The following ATP8A2 variants were observed in gnomAD, a reference collection of about 807,000 sequenced individuals.
ATP8A2 encodes phospholipid-transporting ATPase IB.
ATP8A2 carries 100 observed loss-of-function variants against 165.6 expected under a neutral mutation model. The ratio of observed to expected loss-of-function variants is 0.60; its 90% CI spans 0.51 to 0.71. The LOEUF is 0.71. ATP8A2 is among the 30% of genes least tolerant of loss of function. ATP8A2 has a pLI of 0.00. For missense variants in ATP8A2, 1,227 were observed against 1,479.5 expected (o/e 0.83, Z 2.80); for synonymous variants, 543 against 548.8 (o/e 0.99, Z 0.15).
At chr13:25,773,984 A>G (rs930108156) in intron 26 of ATP8A2, among the ~76,000 whole-genome samples, 1 of 152,156 alleles carries the variant, frequency 6.6e-6, no homozygotes, top group African/African-American at 2.4e-5. Flanking sequence ...TTTAAACAAG[A>G]CTGTATTGTG....
intron 2 of ATP8A2, among the ~76,000 whole-genome samples, chr13:25,500,060 G>A (rs146557273): frequency 5.9e-4 from 90 of 152,254 alleles, no homozygotes; most frequent in African/African-American, 2.1e-3. Context: ...GTGTGTCATG[G>A]GGGAAGAGTA....
intron 33 of ATP8A2, among the ~76,000 whole-genome samples, chr13:25,876,000 T>C (rs1019538370): frequency 1.3e-5 from 2 of 152,188 alleles, no homozygotes; most frequent in East Asian, 3.8e-4. Context: ...TTGGGCAGCA[T>C]TGTCATTATG....
intron 24 of ATP8A2, among the ~76,000 whole-genome samples, chr13:25,600,837 A>G (rs2040364763): frequency 6.6e-6 from 1 of 152,224 alleles, no homozygotes; most frequent in Admixed American, 6.5e-5. Flanking sequence ...AACATGGAAG[A>G]AGACAGAAAT....
At chr13:25,892,343 A>G (rs1047547379) in intron 33 of ATP8A2, among the ~76,000 whole-genome samples, 1 of 152,154 alleles carries the variant, frequency 6.6e-6, no homozygotes. Context: ...CTATCTTGGC[A>G]CAGGGTGGCA....
At chr13:25,643,756 T>C (rs1424025298) in intron 24 of ATP8A2, among the ~76,000 whole-genome samples, 1 of 151,422 alleles carries the variant, frequency 6.6e-6, no homozygotes, top group Non-Finnish European at 1.5e-5. Flanking sequence ...TTTTTTTCAG[T>C]TCCAGATGAA....
At chr13:25,707,754 A>G (rs9581433) in intron 25 of ATP8A2, among the ~76,000 whole-genome samples, 4 of 152,202 alleles carry the variant, frequency 2.6e-5, no homozygotes, top group African/African-American at 9.6e-5. Flanking sequence ...TTTTGCTTAT[A>G]TAGTAGACCT....
intron 25 of ATP8A2, among the ~76,000 whole-genome samples, chr13:25,724,988 C>T (rs1315280932): frequency 6.6e-6 from 1 of 152,154 alleles, no homozygotes; most frequent in Non-Finnish European, 1.5e-5. Context: ...CTGCTAGGAC[C>T]TGTAGAGTAA....
intron 27 of ATP8A2, among the ~76,000 whole-genome samples, chr13:25,787,202 T>C (rs1303159203): frequency 6.6e-6 from 1 of 152,230 alleles, no homozygotes; most frequent in Non-Finnish European, 1.5e-5. Context: ...CCCAGTCTCC[T>C]CTGTAGTTAA....
intron 35 of ATP8A2, among the ~76,000 whole-genome samples, chr13:25,972,603 C>G (rs1955939981): frequency 6.6e-6 from 1 of 152,260 alleles, no homozygotes. Context: ...TAATCCCTAC[C>G]TGGGGAAGCA....
chr13:25,663,489 C>T (rs2137704565), intron 24 of ATP8A2, among the ~76,000 whole-genome samples: 1 of 152,276 alleles, frequency 6.6e-6, no homozygotes, highest in South Asian at 2.1e-4. Context: ...ATGTAATATT[C>T]ACACGGCCTC....
At chr13:25,986,620 G>A (rs971249524) in intron 35 of ATP8A2, among the ~76,000 whole-genome samples, 3 of 152,182 alleles carry the variant, frequency 2.0e-5, no homozygotes, top group Non-Finnish European at 4.4e-5. Context: ...TGGACACGTA[G>A]GTTGATTCCA....
chr13:25,445,002 C>T (rs908816653), intron 1 of ATP8A2, among the ~76,000 whole-genome samples: 2 of 152,114 alleles, frequency 1.3e-5, no homozygotes, highest in Admixed American at 6.6e-5. Context: ...ATGTTGAAGC[C>T]TTTTGCACAT....
intron 24 of ATP8A2, among the ~76,000 whole-genome samples, chr13:25,676,899 T>C (rs911876934): frequency 6.6e-6 from 1 of 152,190 alleles, no homozygotes; most frequent in Non-Finnish European, 1.5e-5. Context: ...GTGTCTTATG[T>C]TTTGTAGTCT....
chr13:25,527,383 C>G (rs1001921392), intron 2 of ATP8A2, among the ~76,000 whole-genome samples: 9 of 152,166 alleles, frequency 5.9e-5, no homozygotes, highest in Non-Finnish European at 1.2e-4. Flanking sequence ...GAATCAGAAT[C>G]TGCATTTTAA....
intron 1 of ATP8A2, among the ~76,000 whole-genome samples, chr13:25,417,398 C>A (rs1039196927): frequency 2.0e-5 from 2 of 100,218 alleles, no homozygotes; most frequent in African/African-American, 3.8e-5. Context: ...TTGACACTGG[C>A]CAGTTTCTTT....
At chr13:25,763,135 G>A (rs1011130718) in intron 25 of ATP8A2, among the ~76,000 whole-genome samples, 9 of 152,092 alleles carry the variant, frequency 5.9e-5, no homozygotes, top group African/African-American at 1.9e-4. Flanking sequence ...AGCTAGAAAC[G>A]CTCATCCCTG....
rs975165684 is a variant in ATP8A2, at chr13:25,589,834, A to G, written c.2211+135A>G. On this transcript the variant is annotated intron_variant, in intron 24 of 36. Coordinates refer to ENST00000381655, the MANE Select transcript of ATP8A2 (RefSeq NM_016529.6). ...AAAACTGTGTTTATTTTCTGTTTAT[A>G]TTTATATTTAAGAATGGATGTCAGA... 3 of 562,184 alleles carry G rather than the reference A, an allele frequency of 5.3e-6. No homozygotes were observed. The African/African-American group carries it at 5.7e-5, about 11-fold the overall frequency. 34.8% of individuals were successfully genotyped at this position (562,184 alleles called of 1,614,324 possible).
chr13:25,447,238 C>T (rs1413301234), intron 1 of ATP8A2, among the ~76,000 whole-genome samples: 3 of 151,942 alleles, frequency 2.0e-5, no homozygotes, highest in African/African-American at 4.8e-5. Context: ...ATCATCTCAC[C>T]TTAATTGTTA....
chr13:25,717,460 C>A (rs1251025534), intron 25 of ATP8A2, among the ~76,000 whole-genome samples: 1 of 150,322 alleles, frequency 6.7e-6, no homozygotes, highest in Non-Finnish European at 1.5e-5. Context: ...ACTACCACTA[C>A]CAGCAGCAGC....
Sources: allele counts gnomAD v4.1 joint callset (sites outside exome capture counted in the v4.1 genomes callset), GRCh38; gene constraint gnomAD v4.1.1; transcripts MANE v1.5; gene names NCBI Gene and HGNC (gene_info 2026-07-23, HGNC 2026-07-21).